Variants in UGT1A10 observed in about 807,000 individuals in gnomAD.
The protein encoded by UGT1A10 is UDP-glucuronosyltransferase 1A10.
UGT1A10 carries 49 observed loss-of-function variants against 45.8 expected under a neutral mutation model. That is an observed-to-expected ratio of 1.07 (90% CI 0.85 to 1.36). The LOEUF (loss-of-function observed/expected upper bound fraction) is 1.36. UGT1A10 is among the 40% of genes most tolerant of loss of function. The pLI, the probability that UGT1A10 is intolerant of heterozygous loss-of-function variation, is 0.00. For missense variants in UGT1A10, 745 were observed against 668.6 expected (o/e 1.11, Z -1.26); for synonymous variants, 284 against 249.7 (o/e 1.14, Z -1.29).
chr2:233,771,982 G>T (rs1700430504), intron 4 of UGT1A10, among the ~76,000 whole-genome samples: 2 of 152,206 alleles, frequency 1.3e-5, no homozygotes, highest in South Asian at 4.1e-4. Context: ...AGACATAGTG[G>T]TGCATGACTA....
Position 233,772,397 on chromosome 2 carries a change from C to A in UGT1A10, c.1431C>A (p.Asp477Glu). Residue 477 changes from aspartate (D) to glutamate (E), a missense_variant, in exon 5 of 5, where the codon GAC becomes GAA. By Grantham distance (45) the Asp-to-Glu change is conservative. Coordinates refer to ENST00000344644, the MANE Select transcript of UGT1A10 (RefSeq NM_019075.4). ...GAPHLRPAAH[D>E]LTWYQYHSLD... The stretch of plus-strand genomic sequence containing the variant: ...CACACCTGCGCCCCGCAGCCCACGA[C>A]CTCACCTGGTACCAGTACCATTCCT... The A allele has an allele frequency of 6.2e-7, 1 of 1,614,254 alleles. No individual in the cohort carries two copies. The highest frequency in any genetic ancestry group is 8.5e-7 in the Non-Finnish European group (1 of 1,180,050).
intron 1 of UGT1A10, chr2:233,692,872 T>C (rs2125553048): frequency 1.3e-6 from 2 of 1,488,718 alleles, no homozygotes; most frequent in Non-Finnish European, 1.8e-6. Flanking sequence ...TATCAAAGGG[T>C]AAAATTCAGA....
At chr2:233,749,591 G>A (rs1280802236) in intron 1 of UGT1A10, among the ~76,000 whole-genome samples, 27 of 151,796 alleles carry the variant, frequency 1.8e-4, no homozygotes. Context: ...GTCTCAACAT[G>A]AAGTCACACT....
At chr2:233,697,108 G>A (rs1275365207) in intron 1 of UGT1A10, among the ~76,000 whole-genome samples, 1 of 152,040 alleles carries the variant, frequency 6.6e-6, no homozygotes, top group African/African-American at 2.4e-5. Context: ...GAGTTTGGAA[G>A]TATTCTCTCC....
chr2:233,723,199 A>G (rs111421853), intron 1 of UGT1A10, among the ~76,000 whole-genome samples: 3,458 of 129,646 alleles, frequency 0.027, 116 homozygotes, highest in African/African-American at 0.11. Context: ...TGTGGTAAAA[A>G]AAGTCAAAAC....
chr2:233,722,246 G>C (rs1029128389), intron 1 of UGT1A10, among the ~76,000 whole-genome samples: 4 of 152,178 alleles, frequency 2.6e-5, no homozygotes, highest in Non-Finnish European at 4.4e-5. Context: ...TATTATCTGT[G>C]ACAGACACGC....
chr2:233,686,222 A>G (rs1305153214), intron 1 of UGT1A10, among the ~76,000 whole-genome samples: 2 of 151,976 alleles, frequency 1.3e-5, no homozygotes, highest in Admixed American at 6.6e-5. Context: ...AATATTTGTG[A>G]CCTTGGATTT....
chr2:233,730,157 C>T (rs1042969682), intron 1 of UGT1A10, among the ~76,000 whole-genome samples: 1 of 152,168 alleles, frequency 6.6e-6, no homozygotes, highest in Non-Finnish European at 1.5e-5. Context: ...TAAGGGGTCT[C>T]TAGTAGCGTA....
At chr2:233,667,668 C>T (rs56738647) in intron 1 of UGT1A10, among the ~76,000 whole-genome samples, 3 of 152,152 alleles carry the variant, frequency 2.0e-5, no homozygotes, top group African/African-American at 4.8e-5. Context: ...CTACAATGAA[C>T]TCAGACAAAT....
At chr2:233,665,096 C>A (rs2074045407) in intron 1 of UGT1A10, among the ~76,000 whole-genome samples, 1 of 152,210 alleles carries the variant, frequency 6.6e-6, no homozygotes, top group African/African-American at 2.4e-5. Flanking sequence ...ATTCTCACAC[C>A]TATTTTGTTA....
chr2:233,646,055 A>G (rs568828628), intron 1 of UGT1A10, among the ~76,000 whole-genome samples: 83 of 152,358 alleles, frequency 5.4e-4, no homozygotes, highest in African/African-American at 1.9e-3. Flanking sequence ...CCAAACCTCA[A>G]TTCTTGACTT....
chr2:233,671,787 T>C lies in UGT1A10; in HGVS notation c.855+34410T>C. 2.1e-6 allele frequency: 3 copies of C among 1,406,748 alleles called. No individual in the cohort carries two copies. In the South Asian group the frequency reaches 5.2e-5, roughly 24 times the overall value. The allele number at this position is 1,406,748 out of a possible 1,614,324, so 87.1% of individuals were successfully genotyped here. A position where few individuals can be genotyped will look rare whatever the true frequency, so the allele number is the denominator to read the frequency against. On this transcript the variant is annotated intron_variant, in intron 1 of 4. Transcript: ENST00000344644. ...ACTCATATATTCTTGTTCTTTTGGGTAAATCATTGTCAGTGACTGATTTTT... is the reference window on the plus strand; with the variant it reads ...ACTCATATATTCTTGTTCTTTTGGGCAAATCATTGTCAGTGACTGATTTTT...
intron 1 of UGT1A10, among the ~76,000 whole-genome samples, chr2:233,658,234 G>T (rs1428570207): frequency 6.6e-6 from 1 of 152,034 alleles, no homozygotes; most frequent in Non-Finnish European, 1.5e-5. Context: ...GACCAGGCTG[G>T]CCTCAAACTC....
chr2:233,734,138 TG>T (rs2078490713), intron 1 of UGT1A10, among the ~76,000 whole-genome samples: 1 of 152,142 alleles, frequency 6.6e-6, no homozygotes, highest in Non-Finnish European at 1.5e-5. Flanking sequence ...AATTTGGCTG[TG>T]AATCCATCTG....
intron 1 of UGT1A10, among the ~76,000 whole-genome samples, chr2:233,655,640 C>T (rs2073837121): frequency 6.6e-6 from 1 of 152,044 alleles, no homozygotes; most frequent in African/African-American, 2.4e-5. Flanking sequence ...AGACTCTTCT[C>T]TTGTAGGGGA....
rs1199920513 is a variant in UGT1A10, at chr2:233,767,073, A to G, written c.895A>G (p.Ile299Val). The change falls in exon 2 of 5, where the codon ATT becomes GTT. Residue 299 changes from isoleucine (I) to valine (V), a missense_variant. Coordinates refer to ENST00000344644, the MANE Select transcript of UGT1A10 (RefSeq NM_019075.4). ...CATTAATGCTTCTGGAGAACATGGA[A>G]TTGTGGTTTTCTCTTTGGGATCAAT... is the stretch of plus-strand genomic sequence containing the variant. Reference protein sequence around the residue: ...AYINASGEHGIVVFSLGSMVS... With the variant: ...AYINASGEHGVVVFSLGSMVS... 3.1e-6 allele frequency: 5 copies of G among 1,614,112 alleles called. No homozygotes were observed. Among genetic ancestry groups the G allele is most frequent in the Non-Finnish European group, 3.4e-6 (4 of 1,179,992 alleles).
At chr2:233,719,697 G>C (rs768448140) in intron 1 of UGT1A10, 2 of 1,613,928 alleles carry the variant, frequency 1.2e-6, no homozygotes, top group East Asian at 4.5e-5. Flanking sequence ...GGTCTGTATT[G>C]GTGCCTTCAT....
At chr2:233,748,742 C>T (rs533880197) in intron 1 of UGT1A10, among the ~76,000 whole-genome samples, 32 of 151,508 alleles carry the variant, frequency 2.1e-4, no homozygotes, top group African/African-American at 6.3e-4. Flanking sequence ...TCTCAGAGTT[C>T]GGAAGGCATA....
chr2:233,761,975 T>C (rs1697919951), intron 1 of UGT1A10, among the ~76,000 whole-genome samples: 1 of 152,208 alleles, frequency 6.6e-6, no homozygotes, highest in South Asian at 2.1e-4. Flanking sequence ...TGATATCACC[T>C]TCGGAGGTGA....
Sources: gnomAD v4.1 joint callset for allele counts (sites outside exome capture counted in the v4.1 genomes callset) on GRCh38, gnomAD v4.1.1 for gene constraint, MANE v1.5 for transcripts, NCBI Gene and HGNC (gene_info 2026-07-23, HGNC 2026-07-21) for gene names.